ZNF407: variants seen among roughly 807,000 people sequenced by gnomAD.
The protein encoded by ZNF407 is zinc finger protein 407.
ZNF407 carries 17 observed loss-of-function variants against 131.2 expected under a neutral mutation model. That is an observed-to-expected ratio of 0.13 (90% CI 0.09 to 0.19). The LOEUF is 0.19. Among genes scored for constraint, ZNF407 ranks in the 10% least tolerant of loss-of-function variants. The pLI, the probability that ZNF407 is intolerant of heterozygous loss-of-function variation, is 1.00. For missense variants in ZNF407, 2,681 were observed against 2,830.6 expected, an observed-to-expected ratio of 0.95 and a Z score of 1.20; for synonymous variants, 1,156 against 1,062.0, an observed-to-expected ratio of 1.09 and a Z score of -1.72.
chr18:74,931,740 C>G (rs981096872), intron 8 of ZNF407, among the ~76,000 whole-genome samples: 2 of 152,152 alleles, frequency 1.3e-5, no homozygotes, highest in Non-Finnish European at 2.9e-5. Context: ...CGTCACTCCA[C>G]GTACTCACCA....
intron 3 of ZNF407, among the ~76,000 whole-genome samples, chr18:74,772,421 C>G (rs1969381779): frequency 2.0e-5 from 3 of 152,154 alleles, no homozygotes; most frequent in Admixed American, 6.5e-5. Flanking sequence ...ATGTATATGT[C>G]AGAATACAAG....
chr18:74,615,536 A>G (rs535116510), intron 1 of ZNF407, among the ~76,000 whole-genome samples: 64 of 152,312 alleles, frequency 4.2e-4, no homozygotes, highest in African/African-American at 1.5e-3. Flanking sequence ...AGCTGTTTTA[A>G]AGTTAACATA....
chr18:74,728,583 C>T (rs184823108), intron 3 of ZNF407, among the ~76,000 whole-genome samples: 27 of 152,256 alleles, frequency 1.8e-4, no homozygotes, highest in South Asian at 6.2e-4. Flanking sequence ...GTTCAATCAA[C>T]AGATTGAGGT....
Position 74,755,839 on chromosome 18 carries a change from C to CCCTCCCTT in ZNF407, c.4803-25569_4803-25562dup, listed in dbSNP as rs1304975300. On this transcript the variant is annotated intron_variant, in intron 3 of 8. Transcript: ENST00000299687. ...TCATTCCTCCCTCCCTCCCTTCCCT[C>CCCTCCCTT]CCTCCCTTCCTCCCTTCCTCCCTTC... Among the ~76,000 whole-genome samples the CCCTCCCTT allele has an allele frequency of 2.8e-3, 345 of 121,154 alleles. 3 individuals are homozygous for CCCTCCCTT. The highest frequency in any genetic ancestry group is 0.01 in the African/African-American group (291 of 28,476). The allele number at this position is 121,154 out of a possible 152,430, so 79.5% of individuals were successfully genotyped here.
intron 4 of ZNF407, among the ~76,000 whole-genome samples, chr18:74,817,747 G>A (rs1970286951): frequency 6.6e-6 from 1 of 152,140 alleles, no homozygotes; most frequent in South Asian, 2.1e-4. Context: ...TTAACCACAA[G>A]GCTGAGAAGT....
intron 3 of ZNF407, among the ~76,000 whole-genome samples, chr18:74,706,836 C>T (rs190889503): frequency 7.9e-5 from 12 of 152,216 alleles, no homozygotes; most frequent in South Asian, 2.1e-4. Context: ...ATGGACACAA[C>T]GCTTCAAGTG....
At chr18:74,704,475 T>A (rs1429348121) in intron 3 of ZNF407, among the ~76,000 whole-genome samples, 1 of 152,222 alleles carries the variant, frequency 6.6e-6, no homozygotes, top group African/African-American at 2.4e-5. Flanking sequence ...GACACAGATC[T>A]GGGCTCATGG....
chr18:74,717,302 ATCATAAG>A (rs1401274253), intron 3 of ZNF407, among the ~76,000 whole-genome samples: 1 of 152,232 alleles, frequency 6.6e-6, no homozygotes, highest in South Asian at 2.1e-4. Flanking sequence ...GGACAGAAAG[ATCATAAG>A]TCAAGATTGT....
intron 1 of ZNF407, among the ~76,000 whole-genome samples, chr18:74,621,566 C>T (rs1599135459): frequency 6.6e-6 from 1 of 152,110 alleles, no homozygotes; most frequent in East Asian, 1.9e-4. Context: ...CCCCATGGGC[C>T]TCCCCACAGC....
intron 3 of ZNF407, among the ~76,000 whole-genome samples, chr18:74,750,933 A>G (rs1434896473): frequency 6.6e-6 from 1 of 152,124 alleles, no homozygotes; most frequent in Non-Finnish European, 1.5e-5. Context: ...CTGAAGAGTA[A>G]TGCTCTTGAG....
At chr18:74,841,226 G>A (rs1052844495) in intron 4 of ZNF407, among the ~76,000 whole-genome samples, 1 of 152,180 alleles carries the variant, frequency 6.6e-6, no homozygotes, top group Non-Finnish European at 1.5e-5. Context: ...TTTGTGAACT[G>A]GTTGCCATTC....
At chr18:74,772,881 A>G (rs1969391025) in intron 3 of ZNF407, among the ~76,000 whole-genome samples, 1 of 152,152 alleles carries the variant, frequency 6.6e-6, no homozygotes, top group Non-Finnish European at 1.5e-5. Context: ...GGAAAAAGAA[A>G]AGTCTTGGTA....
At chr18:75,007,551 C>T (rs1972925920) in intron 8 of ZNF407, among the ~76,000 whole-genome samples, 1 of 152,196 alleles carries the variant, frequency 6.6e-6, no homozygotes, top group African/African-American at 2.4e-5. Context: ...TGAACCTCCA[C>T]CAACATTTTT....
intron 1 of ZNF407, 125 bp from the exon 2 acceptor site, chr18:74,630,842 C>A: frequency 3.2e-6 from 2 of 623,220 alleles, no homozygotes; most frequent in Non-Finnish European, 4.9e-6. Flanking sequence ...GACATGTAAT[C>A]AAATTCATCT....
intron 8 of ZNF407, among the ~76,000 whole-genome samples, chr18:75,018,514 A>G (rs570904766): frequency 1.7e-4 from 26 of 152,140 alleles, no homozygotes; most frequent in African/African-American, 6.3e-4. Context: ...ATTTTGAATA[A>G]CAATCCACAA....
intron 3 of ZNF407, among the ~76,000 whole-genome samples, chr18:74,739,391 A>C (rs1366144371): frequency 6.6e-6 from 1 of 151,992 alleles, no homozygotes; most frequent in Admixed American, 6.6e-5. Flanking sequence ...AGCTAGAAAG[A>C]GTACAGTGAG....
At chr18:74,630,929 A>G in intron 1 of ZNF407, 38 bp from the exon 2 acceptor site, 2 of 1,420,912 alleles carry the variant, frequency 1.4e-6, no homozygotes, top group Non-Finnish European at 1.9e-6. Flanking sequence ...GTGTGTCTTT[A>G]TATTCAAGAT....
chr18:74,708,693 T>A (rs1024227374), intron 3 of ZNF407, among the ~76,000 whole-genome samples: 4 of 152,218 alleles, frequency 2.6e-5, no homozygotes, highest in Non-Finnish European at 5.9e-5. Context: ...AGGCCAGGAA[T>A]GTCTTCTCAT....
At chr18:74,666,759 G>C (rs1985946389) in intron 3 of ZNF407, among the ~76,000 whole-genome samples, 1 of 152,148 alleles carries the variant, frequency 6.6e-6, no homozygotes, top group African/African-American at 2.4e-5. Flanking sequence ...CGGCATTGAG[G>C]CTCAGGTGTG....
Sources: allele counts gnomAD v4.1 joint callset (sites outside exome capture counted in the v4.1 genomes callset), GRCh38; gene constraint gnomAD v4.1.1; transcripts MANE v1.5; gene names NCBI Gene and HGNC (gene_info 2026-07-23, HGNC 2026-07-21).